Variants in GPD2 observed in about 807,000 individuals in gnomAD.
GPD2 encodes glycerol-3-phosphate dehydrogenase 2.
In GPD2, 54 loss-of-function variants were observed where a neutral mutation model predicts 82.4. That is an observed-to-expected ratio of 0.66 (90% CI 0.53 to 0.82). The LOEUF (loss-of-function observed/expected upper bound fraction) is 0.82. Ranked by LOEUF, GPD2 falls within the 40% of genes least tolerant of loss-of-function variation. GPD2 has a pLI of 0.00. For missense variants in GPD2, 748 were observed against 896.2 expected (o/e 0.83, Z 2.11); for synonymous variants, 288 against 306.1 (o/e 0.94, Z 0.62).
intron 6 of GPD2, among the ~76,000 whole-genome samples, chr2:156,522,026 A>G (rs1031256092): frequency 6.6e-6 from 1 of 152,166 alleles, no homozygotes; most frequent in African/African-American, 2.4e-5. Flanking sequence ...ATACCAGCTA[A>G]TGCTAAATGA....
the GPD2 span, among the ~76,000 whole-genome samples, chr2:156,400,827 C>T: frequency 7.9e-5 from 12 of 152,160 alleles, no homozygotes; most frequent in Admixed American, 5.2e-4. Context: ...CGGGTTCAAT[C>T]CCCGGCATCT....
At chr2:156,556,072 A>C (rs892232336) in intron 8 of GPD2, among the ~76,000 whole-genome samples, 1 of 152,188 alleles carries the variant, frequency 6.6e-6, no homozygotes, top group Non-Finnish European at 1.5e-5. Flanking sequence ...TTTATATAAA[A>C]TATTATCATT....
At chr2:156,517,436 A>G (rs1685241132) in intron 6 of GPD2, among the ~76,000 whole-genome samples, 1 of 152,250 alleles carries the variant, frequency 6.6e-6, no homozygotes, top group Non-Finnish European at 1.5e-5. Flanking sequence ...TCCATATGAA[A>G]TGAAAATTGG....
At chr2:156,409,101 G>A in the GPD2 span, among the ~76,000 whole-genome samples, 1 of 152,166 alleles carries the variant, frequency 6.6e-6, no homozygotes, top group Non-Finnish European at 1.5e-5. Context: ...AAAGAGATAT[G>A]CAGCAGATTT....
chr2:156,486,353 A>G (rs996273101), intron 2 of GPD2, among the ~76,000 whole-genome samples: 6 of 152,340 alleles, frequency 3.9e-5, no homozygotes, highest in African/African-American at 1.2e-4. Flanking sequence ...CTGTACTTCT[A>G]TAGGTCACTC....
At chr2:156,568,683 GTTCTCATCTTTAGGCT>G in intron 9 of GPD2, 126 bp from the exon 10 acceptor site, 1 of 708,982 alleles carries the variant, frequency 1.4e-6, no homozygotes, top group Admixed American at 2.1e-5. Context: ...CACAAACTTA[GTTCTCATCTTTAGGCT>G]TTCTCTCCTT....
chr2:156,492,394 C>T (rs1169827960), intron 2 of GPD2, among the ~76,000 whole-genome samples: 1 of 151,238 alleles, frequency 6.6e-6, no homozygotes, highest in Non-Finnish European at 1.5e-5. Context: ...CTCAGGTGAT[C>T]CTCCTGCTTT....
chr2:156,400,827 C>A, the GPD2 span, among the ~76,000 whole-genome samples: 2 of 152,160 alleles, frequency 1.3e-5, no homozygotes, highest in Non-Finnish European at 2.9e-5. Context: ...CGGGTTCAAT[C>A]CCCGGCATCT....
At chr2:156,407,943 A>ATTT in the GPD2 span, among the ~76,000 whole-genome samples, 1 of 106,612 alleles carries the variant, frequency 9.4e-6, no homozygotes, top group African/African-American at 3.6e-5. Flanking sequence ...TCCATGCTGT[A>ATTT]ATTTTTTTTT....
chr2:156,570,364 A>G, intron 12 of GPD2, 146 bp downstream of exon 12: 1 of 672,896 alleles, frequency 1.5e-6, no homozygotes, highest in South Asian at 1.9e-5. Context: ...TCCAATATAG[A>G]TCCTTTTATT....
chr2:156,442,798 C>T (rs769544265), intron 1 of GPD2, among the ~76,000 whole-genome samples: 14 of 151,648 alleles, frequency 9.2e-5, no homozygotes, highest in Non-Finnish European at 2.1e-4. Context: ...GACCCTGTCT[C>T]AAAAAAATAA....
chr2:156,419,205 A>G, the GPD2 span, among the ~76,000 whole-genome samples: 14 of 151,902 alleles, frequency 9.2e-5, no homozygotes, highest in African/African-American at 2.9e-4. Flanking sequence ...GATTACAGGC[A>G]TGTGCCACCA....
chr2:156,563,475 A>C (rs572570382), intron 9 of GPD2, among the ~76,000 whole-genome samples: 1 of 152,188 alleles, frequency 6.6e-6, no homozygotes, highest in Non-Finnish European at 1.5e-5. Context: ...ATGGTCATTT[A>C]TTAATCTTGA....
chr2:156,416,373 C>G, the GPD2 span, among the ~76,000 whole-genome samples: 1 of 151,028 alleles, frequency 6.6e-6, no homozygotes, highest in South Asian at 2.1e-4. Context: ...TTTGAGACCA[C>G]ATCTCACCTT....
the GPD2 span, among the ~76,000 whole-genome samples, chr2:156,404,760 A>C: frequency 2.0e-5 from 3 of 149,970 alleles, no homozygotes; most frequent in Non-Finnish European, 4.4e-5. Context: ...AGGCTGAGGC[A>C]GGAGAATCCC....
At chr2:156,440,872 T>C (rs1682143846) in intron 1 of GPD2, among the ~76,000 whole-genome samples, 1 of 152,118 alleles carries the variant, frequency 6.6e-6, no homozygotes, top group South Asian at 2.1e-4. Context: ...GAATGATGAG[T>C]GTCTTTTTCT....
At chr2:156,435,394 C>T (rs182668630), upstream of GPD2, 2 of 151,834 alleles carry the variant, frequency 1.3e-5, no homozygotes, top group East Asian at 3.9e-4. Context: ...TTGTCTAGCC[C>T]TAGGAGTTCC....
intron 1 of GPD2, among the ~76,000 whole-genome samples, chr2:156,451,687 G>GC (rs1416525568): frequency 7.3e-6 from 1 of 136,384 alleles, no homozygotes; most frequent in Non-Finnish European, 1.6e-5. Flanking sequence ...AGCTGGCAGG[G>GC]CGGGGGGCTG....
chr2:156,518,473 C>T (rs936490427), intron 6 of GPD2, among the ~76,000 whole-genome samples: 2 of 152,156 alleles, frequency 1.3e-5, no homozygotes, highest in Admixed American at 6.5e-5. Flanking sequence ...CTTTGGGGAA[C>T]GATGCCTCTG....
Sources: allele counts gnomAD v4.1 joint callset (sites outside exome capture counted in the v4.1 genomes callset), GRCh38; gene constraint gnomAD v4.1.1; transcripts MANE v1.5; gene names NCBI Gene and HGNC (gene_info 2026-07-23, HGNC 2026-07-21).